Variants in RFX3 observed in about 807,000 individuals in gnomAD.
RFX3 encodes transcription factor RFX3.
RFX3 carries 14 observed loss-of-function variants against 98.6 expected under a neutral mutation model. The ratio of observed to expected loss-of-function variants is 0.14; its 90% CI spans 0.09 to 0.22. RFX3 has a LOEUF of 0.22. RFX3 is among the 10% of genes least tolerant of loss of function. The probability of loss-of-function intolerance (pLI) is 1.00; values close to 1 mark genes in which losing one functional copy is unlikely to be tolerated. For synonymous variants in RFX3, 383 were observed against 328.4 expected, an observed-to-expected ratio of 1.17 and a Z score of -1.80; for missense variants, 639 against 926.9, an observed-to-expected ratio of 0.69 and a Z score of 4.03.
At chr9:3,352,179 CAGTATGATTAGCTT>C (rs1835221581) in intron 2 of RFX3, among the ~76,000 whole-genome samples, 1 of 151,822 alleles carries the variant, frequency 6.6e-6, no homozygotes, top group African/African-American at 2.4e-5. Flanking sequence ...CTTATTCTTA[CAGTATGATTAGCTT>C]TGTGTATACA....
intron 1 of RFX3, among the ~76,000 whole-genome samples, chr9:3,480,718 A>T (rs2133356015): frequency 6.6e-6 from 1 of 152,300 alleles, no homozygotes; most frequent in East Asian, 1.9e-4. Context: ...TAATCACTTA[A>T]AAGCCATATG....
At chr9:3,256,130 C>T (rs781579739) in intron 14 of RFX3, among the ~76,000 whole-genome samples, 13 of 152,154 alleles carry the variant, frequency 8.5e-5, no homozygotes, top group African/African-American at 2.9e-4. Flanking sequence ...CCATGCCCCG[C>T]TAATTTTGTT....
At position 3,219,508 on chromosome 9, in the gene RFX3, A is replaced by T. The variant is rs1817235535; in HGVS notation, c.*5534T>A. On this transcript the variant is annotated 3_prime_UTR_variant, in exon 17 of 17. Transcript: ENST00000617270. ...AAGAATCAAACCAGAACCAAATAAAAGAAGAGACAAAACACATTTTTCTTT... is the reference window on the plus strand; with the variant it reads ...AAGAATCAAACCAGAACCAAATAAATGAAGAGACAAAACACATTTTTCTTT... 1 of 152,018 alleles carries T rather than the reference A, an allele frequency of 6.6e-6. No individual in the cohort carries two copies. The highest frequency in any genetic ancestry group is 1.9e-4 in the East Asian group (1 of 5,198). The allele number at this position is 152,018 out of a possible 1,614,324, so 9.4% of individuals were successfully genotyped here.
intron 4 of RFX3, among the ~76,000 whole-genome samples, chr9:3,328,541 GACA>G (rs1174010954): frequency 1.3e-5 from 2 of 151,886 alleles, no homozygotes; most frequent in East Asian, 3.9e-4. Context: ...AAAAGGAAGA[GACA>G]ACAAATACAC....
chr9:3,481,110 G>A (rs1442819548), intron 1 of RFX3, among the ~76,000 whole-genome samples: 3 of 151,996 alleles, frequency 2.0e-5, no homozygotes, highest in African/African-American at 7.2e-5. Context: ...TGGTTACTTT[G>A]GATAATCTAT....
chr9:3,312,730 C>G (rs781243693), intron 4 of RFX3, among the ~76,000 whole-genome samples: 2 of 152,200 alleles, frequency 1.3e-5, no homozygotes, highest in Admixed American at 1.3e-4. Context: ...TCATGCCTGG[C>G]TCAGGGGGTC....
At chr9:3,512,330 T>C (rs945153894) in intron 1 of RFX3, among the ~76,000 whole-genome samples, 82 of 151,982 alleles carry the variant, frequency 5.4e-4, no homozygotes, top group African/African-American at 1.9e-3. Context: ...TAAATCCATA[T>C]AATGGGCATA....
intron 1 of RFX3, among the ~76,000 whole-genome samples, chr9:3,395,927 G>A (rs562488866): frequency 6.6e-6 from 1 of 152,016 alleles, no homozygotes; most frequent in Non-Finnish European, 1.5e-5. Context: ...ATATCAAAAT[G>A]TTCTTAATTC....
At chr9:3,231,189 C>T (rs551064909) in intron 15 of RFX3, among the ~76,000 whole-genome samples, 5 of 152,054 alleles carry the variant, frequency 3.3e-5, no homozygotes, top group South Asian at 2.1e-4. Context: ...CTGGGATCAA[C>T]GACAAAGTTT....
chr9:3,353,322 A>T (rs1359117252), intron 2 of RFX3, among the ~76,000 whole-genome samples: 1 of 152,022 alleles, frequency 6.6e-6, no homozygotes, highest in Non-Finnish European at 1.5e-5. Flanking sequence ...CATTGTGCAC[A>T]TGTACCCTAA....
chr9:3,429,543 T>C (rs1328485623), intron 1 of RFX3, among the ~76,000 whole-genome samples: 1 of 152,070 alleles, frequency 6.6e-6, no homozygotes. Context: ...TTGTAGGATG[T>C]GAAGCCCCAG....
intron 15 of RFX3, among the ~76,000 whole-genome samples, chr9:3,245,969 G>A (rs2130926957): frequency 6.6e-6 from 1 of 152,148 alleles, no homozygotes. Context: ...TTTATTTTTT[G>A]AATTTCCTTC....
At chr9:3,492,974 G>C (rs561791233) in intron 1 of RFX3, among the ~76,000 whole-genome samples, 1 of 152,166 alleles carries the variant, frequency 6.6e-6, no homozygotes, top group African/African-American at 2.4e-5. Context: ...CTATTTACAA[G>C]GATGGTTGCC....
intron 7 of RFX3, among the ~76,000 whole-genome samples, chr9:3,286,005 G>A (rs546671067): frequency 3.3e-5 from 5 of 151,770 alleles, no homozygotes; most frequent in African/African-American, 1.2e-4. Flanking sequence ...AAGCTTGCTA[G>A]AATTCCTGGC....
chr9:3,232,771 TGA>T (rs36070658), intron 15 of RFX3, among the ~76,000 whole-genome samples: 98,707 of 132,208 alleles, frequency 0.75, 38,637 homozygotes, highest in East Asian at 0.96. Context: ...GTTTAGAATC[TGA>T]GAGAGAGAGA....
intron 1 of RFX3, among the ~76,000 whole-genome samples, chr9:3,467,060 A>C (rs1439534307): frequency 6.9e-6 from 1 of 144,564 alleles, no homozygotes; most frequent in African/African-American, 2.5e-5. Flanking sequence ...ATATACATAC[A>C]TATATATAAG....
intron 1 of RFX3, among the ~76,000 whole-genome samples, chr9:3,482,717 G>A (rs918410439): frequency 6.6e-6 from 1 of 152,110 alleles, no homozygotes; most frequent in Non-Finnish European, 1.5e-5. Context: ...TATTAGAACT[G>A]GGAATTTACT....
At chr9:3,393,584 T>A (rs1227896673) in intron 2 of RFX3, among the ~76,000 whole-genome samples, 1 of 147,198 alleles carries the variant, frequency 6.8e-6, no homozygotes, top group Non-Finnish European at 1.5e-5. Context: ...ATGTCTGAAT[T>A]GTTCTTTACT....
chr9:3,467,378 T>G (rs1210661362), intron 1 of RFX3, among the ~76,000 whole-genome samples: 1 of 150,288 alleles, frequency 6.7e-6, no homozygotes, highest in Admixed American at 6.7e-5. Context: ...AGGCTTTCTT[T>G]CAAGGCATCA....
Sources: allele counts gnomAD v4.1 joint callset (sites outside exome capture counted in the v4.1 genomes callset), GRCh38; gene constraint gnomAD v4.1.1; transcripts MANE v1.5; gene names NCBI Gene and HGNC (gene_info 2026-07-23, HGNC 2026-07-21).